The following MTURN variants were observed in gnomAD, a reference collection of about 807,000 sequenced individuals.
The protein encoded by MTURN is maturin, neural progenitor differentiation regulator homolog.
MTURN carries 7 observed loss-of-function variants against 14.9 expected under a neutral mutation model. That is an observed-to-expected ratio of 0.47 (90% CI 0.27 to 0.88). The LOEUF (loss-of-function observed/expected upper bound fraction) is 0.88. MTURN is among the 40% of genes least tolerant of loss of function. The pLI is 0.14. For missense variants in MTURN, 151 were observed against 174.1 expected (o/e 0.87, Z 0.75); for synonymous variants, 69 against 72.5 (o/e 0.95, Z 0.25).
chr7:30,142,213 T>C (rs1409215882), intron 1 of MTURN, among the ~76,000 whole-genome samples: 1 of 152,194 alleles, frequency 6.6e-6, no homozygotes, highest in African/African-American at 2.4e-5. Flanking sequence ...TGGGCAAGCT[T>C]TTATGATAAA....
In MTURN at chr7:30,145,888, T is replaced by C. The variant is rs775390965; in HGVS notation, c.163-289T>C. On this transcript the variant is annotated intron_variant, in intron 1 of 2. Coordinates refer to ENST00000324453, the MANE Select transcript of MTURN (RefSeq NM_152793.3). ...GCACAAGGTGAACAGTGGAAATCAT[T>C]GGTGAGGAATGGCCACCCACTGCCC... 8.4e-6 allele frequency: 13 copies of C among 1,551,636 alleles called. No individual in the cohort carries two copies. In the South Asian group the frequency reaches 1.1e-4, roughly 13 times the overall value.
intron 2 of MTURN, among the ~76,000 whole-genome samples, chr7:30,152,056 G>C (rs2128033174): frequency 6.6e-6 from 1 of 152,266 alleles, no homozygotes; most frequent in East Asian, 1.9e-4. Flanking sequence ...AAGCTGCCTG[G>C]GTGGATCAGG....
Position 30,161,538 on chromosome 7 carries a change from G to T in MTURN, c.*3990G>T, listed in dbSNP as rs1169093891. 1 of 152,204 alleles carries T rather than the reference G, an allele frequency of 6.6e-6. No individual in the cohort carries two copies. Among genetic ancestry groups the T allele is most frequent in the Non-Finnish European group, 1.5e-5 (1 of 68,080 alleles). The allele number at this position is 152,204 out of a possible 1,614,324, so 9.4% of individuals were successfully genotyped here. On this transcript the variant is annotated 3_prime_UTR_variant, in exon 3 of 3. Coordinates refer to ENST00000324453, the MANE Select transcript of MTURN (RefSeq NM_152793.3). ...TCCCAAATGCAGGCAGATCTGAGAGGGGCTCCAGGCACCCGGCAGGTAAAT... is the reference window on the plus strand; with the variant it reads ...TCCCAAATGCAGGCAGATCTGAGAGTGGCTCCAGGCACCCGGCAGGTAAAT...
chr7:30,162,626 T>A lies in MTURN; in HGVS notation c.*5078T>A, dbSNP rs1797392188. On this transcript the variant is annotated 3_prime_UTR_variant, in exon 3 of 3. Coordinates refer to ENST00000324453, the MANE Select transcript of MTURN (RefSeq NM_152793.3). Reference sequence around the variant, plus strand: ...TTGGGTTGCCAAAAACTGTTGCCCTTCGTTAGATGCTTCAAACAGTGTAAA... The same window carrying A: ...TTGGGTTGCCAAAAACTGTTGCCCTACGTTAGATGCTTCAAACAGTGTAAA... 1 of 152,564 alleles carries A rather than the reference T, an allele frequency of 6.6e-6. No homozygotes were observed. The highest frequency in any genetic ancestry group is 2.4e-5 in the African/African-American group (1 of 41,416). The allele number at this position is 152,564 out of a possible 1,614,324, so 9.5% of individuals were successfully genotyped here.
chr7:30,135,999 C>T (rs1226875817), intron 1 of MTURN, among the ~76,000 whole-genome samples: 3 of 148,100 alleles, frequency 2.0e-5, no homozygotes, highest in South Asian at 2.2e-4. Flanking sequence ...CACACCCTCA[C>T]CCTCACACGC....
chr7:30,154,160 C>A (rs1401445869), intron 2 of MTURN, among the ~76,000 whole-genome samples: 4 of 152,152 alleles, frequency 2.6e-5, no homozygotes, highest in East Asian at 1.9e-4. Flanking sequence ...GCAGGAGAAT[C>A]GCCTTACATG....
chr7:30,156,581 C>T (rs1477012216), intron 2 of MTURN, among the ~76,000 whole-genome samples: 1 of 152,100 alleles, frequency 6.6e-6, no homozygotes, highest in African/African-American at 2.4e-5. Flanking sequence ...AATCCCAGCA[C>T]TTTGGGAAGC....
rs1192235690 is a variant in MTURN at position 30,159,629 on chromosome 7, G to C, written c.*2081G>C. Reference sequence around the variant, plus strand: ...GGAGATAGATAGACTCGGCCATTCTGTGGGCTGATGAGAATTCTGGGCTTT... The same window carrying C: ...GGAGATAGATAGACTCGGCCATTCTCTGGGCTGATGAGAATTCTGGGCTTT... On this transcript the variant is annotated 3_prime_UTR_variant, in exon 3 of 3. Coordinates refer to ENST00000324453, the MANE Select transcript of MTURN (RefSeq NM_152793.3). 1.3e-5 allele frequency: 2 copies of C among 152,670 alleles called. No homozygotes were observed. Among genetic ancestry groups the C allele is most frequent in the Admixed American group, 1.3e-4 (2 of 15,282 alleles). 9.5% of individuals were successfully genotyped at this position (152,670 alleles called of 1,614,324 possible).
chr7:30,143,758 G>A (rs1797088856), intron 1 of MTURN, among the ~76,000 whole-genome samples: 1 of 152,282 alleles, frequency 6.6e-6, no homozygotes, highest in African/African-American at 2.4e-5. Context: ...GGAAATTGTG[G>A]TGTGAACAAT....
chr7:30,144,750 C>G (rs1280049525), intron 1 of MTURN, among the ~76,000 whole-genome samples: 1 of 152,140 alleles, frequency 6.6e-6, no homozygotes, highest in African/African-American at 2.4e-5. Flanking sequence ...AGGTCTAGTT[C>G]TCAGAAACCC....
chr7:30,136,742 T>C lies in MTURN; in HGVS notation c.162+1444T>C, dbSNP rs186745216. ...TTGTGTGACAGCCAGATTTGAGTTC[T>C]GGCTCTGTGACTGTGCTCAAATACC... On this transcript the variant is annotated intron_variant, in intron 1 of 2. Coordinates refer to ENST00000324453, the MANE Select transcript of MTURN (RefSeq NM_152793.3). Among the ~76,000 whole-genome samples, 4 of 152,340 alleles carry C rather than the reference T, an allele frequency of 2.6e-5. No individual in the cohort carries two copies. In the East Asian group the frequency reaches 7.7e-4, roughly 29 times the overall value.
intron 1 of MTURN, 117 bp downstream of exon 1, chr7:30,135,415 C>G (rs1796930898): frequency 2.6e-6 from 2 of 774,874 alleles, no homozygotes; most frequent in Non-Finnish European, 3.3e-6. Flanking sequence ...GGGGCCGTAA[C>G]CCGCGCCCCG....
At chr7:30,137,301 C>T (rs969674693) in intron 1 of MTURN, 7 of 224,550 alleles carry the variant, frequency 3.1e-5, no homozygotes, top group South Asian at 1.2e-4. Flanking sequence ...GGGAGAAGCC[C>T]ACACAGCCTT....
intron 2 of MTURN, among the ~76,000 whole-genome samples, chr7:30,151,794 A>G (rs1797217069): frequency 6.6e-6 from 1 of 152,168 alleles, no homozygotes; most frequent in Non-Finnish European, 1.5e-5. Context: ...AGTTGGCCCA[A>G]GTCCTCTCCT....
chr7:30,137,570 A>G (rs1414162820), intron 1 of MTURN: 3 of 470,706 alleles, frequency 6.4e-6, no homozygotes, highest in Non-Finnish European at 8.8e-6. Context: ...AAGATAGAGG[A>G]TGGGGGTGGG....
rs916529981 is a variant in MTURN at position 30,146,224 on chromosome 7, A to C, written c.210A>C (p.Ala70=). 4.3e-6 allele frequency: 7 copies of C among 1,614,164 alleles called. No individual in the cohort carries two copies. The highest frequency in any genetic ancestry group is 5.9e-6 in the Non-Finnish European group (7 of 1,180,044). The change falls in exon 2 of 3, where the codon GCA becomes GCC. Residue 70 remains alanine (A), a synonymous_variant. Coordinates refer to ENST00000324453, the MANE Select transcript of MTURN (RefSeq NM_152793.3). ...SEDCLPFLQL[A]QDYISSCGKK... ...ACTGCCTGCCTTTCTTGCAGCTAGC[A>C]CAGGATTACATCTCCTCCTGCGGCA...
In MTURN at chr7:30,135,208, C is replaced by G. The variant is rs973804063; in HGVS notation, c.72C>G (p.Thr24=). 22 of 1,513,672 alleles carry G rather than the reference C, an allele frequency of 1.5e-5. No homozygotes were observed. Among genetic ancestry groups the G allele is most frequent in the African/African-American group, 4.3e-5 (3 of 69,358 alleles). 93.8% of individuals were successfully genotyped at this position (1,513,672 alleles called of 1,614,324 possible). A position where few individuals can be genotyped will look rare whatever the true frequency, so the allele number is the denominator to read the frequency against. The change falls in exon 1 of 3, where the codon ACC becomes ACG. Residue 24 remains threonine (T), a synonymous_variant. Coordinates refer to ENST00000324453, the MANE Select transcript of MTURN (RefSeq NM_152793.3). ...CSNTPFELIA[T]EETERRMDFY... ...ACACGCCCTTCGAGCTCATCGCCACCGAGGAGACCGAACGCAGGATGGATT... is the reference window on the plus strand; with the variant it reads ...ACACGCCCTTCGAGCTCATCGCCACGGAGGAGACCGAACGCAGGATGGATT...
In MTURN at chr7:30,162,613, A is replaced by C. The variant is rs1295236462; in HGVS notation, c.*5065A>C. On this transcript the variant is annotated 3_prime_UTR_variant, in exon 3 of 3. Coordinates refer to ENST00000324453, the MANE Select transcript of MTURN (RefSeq NM_152793.3). ...ACAAAACTGTGAATTGGGTTGCCAA[A>C]AACTGTTGCCCTTCGTTAGATGCTT... The C allele has an allele frequency of 1.3e-5, 2 of 152,556 alleles. No homozygotes were observed. The highest frequency in any genetic ancestry group is 4.8e-5 in the African/African-American group (2 of 41,412). 9.5% of individuals were successfully genotyped at this position (152,556 alleles called of 1,614,324 possible). A position where few individuals can be genotyped will look rare whatever the true frequency, so the allele number is the denominator to read the frequency against.
chr7:30,148,791 G>A (rs1432622805), intron 2 of MTURN, among the ~76,000 whole-genome samples: 1 of 152,188 alleles, frequency 6.6e-6, no homozygotes, highest in Non-Finnish European at 1.5e-5. Flanking sequence ...TGGGGAGTTT[G>A]GGGTTGGTAA....
Sources: gnomAD v4.1 joint callset for allele counts (sites outside exome capture counted in the v4.1 genomes callset) on GRCh38, gnomAD v4.1.1 for gene constraint, MANE v1.5 for transcripts, NCBI Gene and HGNC (gene_info 2026-07-23, HGNC 2026-07-21) for gene names.